STK31: variants seen among roughly 807,000 people sequenced by gnomAD.
STK31 encodes the protein serine/threonine-protein kinase 31.
In STK31, 89 loss-of-function variants were observed where a neutral mutation model predicts 129.7. The ratio of observed to expected loss-of-function variants is 0.69; its 90% CI spans 0.58 to 0.82. The LOEUF is 0.82. STK31 is among the 40% of genes least tolerant of loss of function. STK31 has a pLI of 0.00. For missense variants in STK31, 1,187 were observed against 1,176.4 expected, an observed-to-expected ratio of 1.01 and a Z score of -0.13; for synonymous variants, 448 against 395.3, an observed-to-expected ratio of 1.13 and a Z score of -1.58.
intron 8 of STK31, among the ~76,000 whole-genome samples, chr7:23,749,343 T>C (rs1379798525): frequency 7.4e-6 from 1 of 134,846 alleles, no homozygotes; most frequent in Admixed American, 8.2e-5. Flanking sequence ...TTTCTTTTCT[T>C]GTTTTTTTTT....
chr7:23,810,222 T>C (rs1793000522), intron 22 of STK31, among the ~76,000 whole-genome samples: 1 of 152,100 alleles, frequency 6.6e-6, no homozygotes, highest in African/African-American at 2.4e-5. Context: ...CATTCTTGTG[T>C]TTCAACATTA....
At chr7:23,761,211 A>G (rs1554289709) in intron 10 of STK31, among the ~76,000 whole-genome samples, 3 of 150,550 alleles carry the variant, frequency 2.0e-5, no homozygotes, top group Non-Finnish European at 4.4e-5. Context: ...TGAAAGCAGA[A>G]TTTTTTTTTT....
At chr7:23,768,723 G>C (rs985067612) in intron 11 of STK31, among the ~76,000 whole-genome samples, 1 of 152,130 alleles carries the variant, frequency 6.6e-6, no homozygotes, top group African/African-American at 2.4e-5. Context: ...AGGGAAAACA[G>C]GGTAATGTCT....
intron 3 of STK31, among the ~76,000 whole-genome samples, chr7:23,716,664 G>A (rs547345156): frequency 2.6e-5 from 4 of 151,960 alleles, no homozygotes; most frequent in Admixed American, 6.6e-5. Context: ...TATTTATTCC[G>A]TGGGTTATAA....
At position 23,749,901 on chromosome 7, in the gene STK31, C is replaced by T. The variant is rs1040338897; in HGVS notation, c.1018-2816C>T. ...GGATGGAATTGGGTATTTACCTCCT[C>T]CCATGTGGAAGGATAGAGCTGGCTG... On this transcript the variant is annotated intron_variant, in intron 8 of 23. Coordinates refer to ENST00000355870, the MANE Select transcript of STK31 (RefSeq NM_031414.5). Among the ~76,000 whole-genome samples, 6 of 152,006 alleles carry T rather than the reference C, an allele frequency of 3.9e-5. No individual in the cohort carries two copies. In the South Asian group the frequency reaches 1.0e-3, roughly 26 times the overall value.
chr7:23,778,537 A>AT (rs1790705662), intron 15 of STK31, among the ~76,000 whole-genome samples: 1 of 148,714 alleles, frequency 6.7e-6, no homozygotes, highest in Non-Finnish European at 1.5e-5. Flanking sequence ...GTTCTTTTTC[A>AT]TTTTTTTTCT....
At chr7:23,777,890 GGTTATTTTGCCCATTA>G (rs1237595234) in intron 15 of STK31, among the ~76,000 whole-genome samples, 3 of 152,030 alleles carry the variant, frequency 2.0e-5, no homozygotes, top group African/African-American at 7.2e-5. Flanking sequence ...GATACTAACT[GGTTATTTTGCCCATTA>G]GTTGATGTAG....
chr7:23,719,992 C>T (rs1447363010), intron 4 of STK31, among the ~76,000 whole-genome samples: 3 of 152,056 alleles, frequency 2.0e-5, no homozygotes, highest in Admixed American at 1.3e-4. Context: ...AAATATGTTA[C>T]ATTGTACACC....
At chr7:23,758,019 G>A (rs952464245) in intron 10 of STK31, among the ~76,000 whole-genome samples, 2 of 152,204 alleles carry the variant, frequency 1.3e-5, no homozygotes, top group African/African-American at 2.4e-5. Context: ...AGTCGACACA[G>A]CACATGTCGT....
At chr7:23,796,887 C>A (rs1007593577) in intron 22 of STK31, among the ~76,000 whole-genome samples, 3 of 151,802 alleles carry the variant, frequency 2.0e-5, no homozygotes, top group African/African-American at 7.2e-5. Flanking sequence ...CAAAGACACA[C>A]ATAGGCTCAA....
At position 23,712,289 on chromosome 7, in the gene STK31, A is replaced by G; in HGVS notation, c.150+3A>G. 1 of 1,614,036 alleles carries G rather than the reference A, an allele frequency of 6.2e-7. No homozygotes were observed. The highest frequency in any genetic ancestry group is 8.5e-7 in the Non-Finnish European group (1 of 1,179,944). On this transcript the variant is annotated splice_donor_region_variant and intron_variant, in intron 3 of 23. Coordinates refer to ENST00000355870, the MANE Select transcript of STK31 (RefSeq NM_031414.5). ...ATGCAGTAACATTTTGGGCCCAGGTAAATAGCAAACTGGTTGATATCCCCC... is the reference window on the plus strand; with the variant it reads ...ATGCAGTAACATTTTGGGCCCAGGTGAATAGCAAACTGGTTGATATCCCCC...
At chr7:23,763,219 T>C (rs1042981145) in intron 11 of STK31, among the ~76,000 whole-genome samples, 3 of 152,112 alleles carry the variant, frequency 2.0e-5, no homozygotes, top group African/African-American at 7.2e-5. Context: ...TATCGTCCAT[T>C]GCATTCTAGC....
chr7:23,798,401 A>C lies in STK31; in HGVS notation c.2760+7455A>C, dbSNP rs10215814. Among the ~76,000 whole-genome samples, 332 of 144,358 alleles carry C rather than the reference A, an allele frequency of 2.3e-3. 1 individual carries two copies. The highest frequency in any genetic ancestry group is 7.3e-3 in the African/African-American group (285 of 39,136). The allele number at this position is 144,358 out of a possible 152,430, so 94.7% of individuals were successfully genotyped here. On this transcript the variant is annotated intron_variant, in intron 22 of 23. Coordinates refer to ENST00000355870, the MANE Select transcript of STK31 (RefSeq NM_031414.5). ...GCAGCACATCAAAAAGCTTATCCAC[A>C]ACAATCAAGTCAGCTTCATCCCTGG...
At chr7:23,740,289 A>AT (rs904309510) in intron 8 of STK31, among the ~76,000 whole-genome samples, 33 of 151,726 alleles carry the variant, frequency 2.2e-4, no homozygotes, top group Non-Finnish European at 3.1e-4. Context: ...CACTGAAGCC[A>AT]TTTTTTTTCT....
At chr7:23,831,340 C>G (rs1794533918) in intron 23 of STK31, among the ~76,000 whole-genome samples, 1 of 152,016 alleles carries the variant, frequency 6.6e-6, no homozygotes, top group African/African-American at 2.4e-5. Flanking sequence ...CTGAATTGAT[C>G]CCTTTATTAT....
chr7:23,774,954 T>C (rs896164381), intron 15 of STK31, among the ~76,000 whole-genome samples: 1 of 152,224 alleles, frequency 6.6e-6, no homozygotes, highest in Non-Finnish European at 1.5e-5. Flanking sequence ...AATTTTTGTA[T>C]AAGGTGTAAG....
intron 14 of STK31, 83 bp from the exon 15 acceptor site, chr7:23,772,064 C>G (rs1790230683): frequency 9.3e-7 from 1 of 1,078,284 alleles, no homozygotes; most frequent in African/African-American, 1.6e-5. Context: ...CTAGTTGAAT[C>G]TTAACAGAGA....
intron 10 of STK31, 74 bp from the exon 11 acceptor site, chr7:23,762,727 C>CT (rs878998175): frequency 6.5e-7 from 1 of 1,546,068 alleles, no homozygotes; most frequent in South Asian, 1.3e-5. Context: ...TTGGAGATCA[C>CT]TTTTTTTCAT....
intron 22 of STK31, 50 bp from the exon 23 acceptor site, chr7:23,815,094 T>G: frequency 7.5e-7 from 1 of 1,333,598 alleles, no homozygotes; most frequent in Middle Eastern, 2.2e-4. Context: ...CTTCTATAGA[T>G]TGGCGTATTA....
Sources: gnomAD v4.1 joint callset for allele counts (sites outside exome capture counted in the v4.1 genomes callset) on GRCh38, gnomAD v4.1.1 for gene constraint, MANE v1.5 for transcripts, NCBI Gene and HGNC (gene_info 2026-07-23, HGNC 2026-07-21) for gene names.